BCAT1: variants seen among roughly 807,000 people sequenced by gnomAD.
BCAT1 encodes branched chain amino acid transaminase 1, also known as branched-chain-amino-acid aminotransferase, cytosolic.
In BCAT1, 48 loss-of-function variants were observed where a neutral mutation model predicts 52.4. The observed-to-expected ratio is 0.92, with a 90% CI of 0.73 to 1.16. BCAT1 has a LOEUF of 1.16. BCAT1 is among the 50% of genes most tolerant of loss of function. The pLI is 0.00. For missense variants in BCAT1, 451 were observed against 457.1 expected (o/e 0.99, Z 0.12); for synonymous variants, 167 against 161.3 (o/e 1.04, Z -0.27).
intron 2 of BCAT1, among the ~76,000 whole-genome samples, chr12:24,896,709 G>T (rs560045836): frequency 1.2e-4 from 18 of 152,278 alleles, no homozygotes; most frequent in South Asian, 6.2e-4. Context: ...AGAGGTTGCA[G>T]TCAGCAGAGA....
intron 3 of BCAT1, among the ~76,000 whole-genome samples, chr12:24,888,652 T>C (rs1942749649): frequency 6.6e-6 from 1 of 152,192 alleles, no homozygotes; most frequent in African/African-American, 2.4e-5. Context: ...TGAATATGAT[T>C]AGTGAGAAAA....
At chr12:24,903,405 C>A in intron 1 of BCAT1, 1 of 170,114 alleles carries the variant, frequency 5.9e-6, no homozygotes, top group East Asian at 1.6e-4. Context: ...TACATTAGGG[C>A]AGCTTTTCCA....
At position 24,836,419 on chromosome 12, in the gene BCAT1, A is replaced by T. The variant is rs1013529974; in HGVS notation, c.903+92T>A. ...TAAAGATTAGATAACATTGGTTGGAACCACAGGATATTATTTCAACACTAG... is the reference window on the plus strand; with the variant it reads ...TAAAGATTAGATAACATTGGTTGGATCCACAGGATATTATTTCAACACTAG... On this transcript the variant is annotated intron_variant, in intron 8 of 10. Transcript: ENST00000261192. 4 of 1,093,746 alleles carry T rather than the reference A, an allele frequency of 3.7e-6. No homozygotes were observed. The African/African-American group carries it at 6.3e-5, about 17-fold the overall frequency. 67.8% of individuals were successfully genotyped at this position (1,093,746 alleles called of 1,614,324 possible).
Position 24,843,019 on chromosome 12 carries a change from G to A in BCAT1, c.675-795C>T, listed in dbSNP as rs538859423. ...GAGTCCTCAAATAAATGTGATGACT[G>A]CTTGCCTCCCTACACCCCTGGTTGT... On this transcript the variant is annotated intron_variant, in intron 6 of 10. Coordinates refer to ENST00000261192, the MANE Select transcript of BCAT1 (RefSeq NM_005504.7). Among the ~76,000 whole-genome samples, 57 of 152,212 alleles carry A rather than the reference G, an allele frequency of 3.7e-4. 1 individual carries two copies. Among genetic ancestry groups the A allele is most frequent in the African/African-American group, 1.4e-3 (57 of 41,540 alleles).
rs16928097 is a variant in BCAT1 at position 24,835,295 on chromosome 12, T to C, written c.903+1216A>G. Among the ~76,000 whole-genome samples the C allele has an allele frequency of 9.6e-3, 1,466 of 152,332 alleles. 58 individuals are homozygous for C. The East Asian group carries it at 0.1, about 11-fold the overall frequency. ...GTAGAATTATTTATAGCACATTTCA[T>C]CTATTTTGAAAGTCTTTTCCAGAGA... On this transcript the variant is annotated intron_variant, in intron 8 of 10. Transcript: ENST00000261192.
intron 1 of BCAT1, among the ~76,000 whole-genome samples, chr12:24,916,639 C>T (rs1943413513): frequency 6.6e-6 from 1 of 152,156 alleles, no homozygotes; most frequent in South Asian, 2.1e-4. Flanking sequence ...ACCCAAGGTT[C>T]AAGCTATTCT....
intron 2 of BCAT1, among the ~76,000 whole-genome samples, chr12:24,894,698 A>C (rs1373458130): frequency 6.6e-6 from 1 of 152,226 alleles, no homozygotes; most frequent in African/African-American, 2.4e-5. Flanking sequence ...TATCAGAACC[A>C]AATTTCAGTG....
chr12:24,823,091 T>A (rs1341433465), intron 10 of BCAT1, among the ~76,000 whole-genome samples: 1 of 151,850 alleles, frequency 6.6e-6, no homozygotes, highest in East Asian at 1.9e-4. Flanking sequence ...GGTCTCACTC[T>A]GTTGCCCAGG....
At chr12:24,830,276 A>C (rs1940601424) in intron 9 of BCAT1, 1 of 162,890 alleles carries the variant, frequency 6.1e-6, no homozygotes, top group South Asian at 2.0e-4. Context: ...ATTGTCTTCT[A>C]CATATTAACC....
intron 1 of BCAT1, among the ~76,000 whole-genome samples, chr12:24,943,773 A>T (rs1388610194): frequency 6.6e-6 from 1 of 152,104 alleles, no homozygotes; most frequent in Non-Finnish European, 1.5e-5. Context: ...TCACGAGGTC[A>T]GGAGATCAAG....
chr12:24,926,459 T>C (rs2139733176), intron 1 of BCAT1, among the ~76,000 whole-genome samples: 1 of 152,340 alleles, frequency 6.6e-6, no homozygotes, highest in East Asian at 1.9e-4. Flanking sequence ...CTGGGAGGTG[T>C]ACCCAACAGC....
chr12:24,902,047 A>G, intron 1 of BCAT1, 162 bp from the exon 2 acceptor site: 1 of 1,544,342 alleles, frequency 6.5e-7, no homozygotes, highest in Non-Finnish European at 8.7e-7. Context: ...CCGAACCTCC[A>G]ACAAGCGTGT....
intron 5 of BCAT1, among the ~76,000 whole-genome samples, chr12:24,853,472 T>C (rs964724800): frequency 6.6e-6 from 1 of 152,192 alleles, no homozygotes; most frequent in Admixed American, 6.5e-5. Flanking sequence ...GAAAAGTGTT[T>C]AGAAATACTA....
intron 1 of BCAT1, among the ~76,000 whole-genome samples, chr12:24,932,324 G>T (rs1428426330): frequency 1.3e-5 from 2 of 152,112 alleles, no homozygotes; most frequent in Non-Finnish European, 2.9e-5. Flanking sequence ...TCCCCTCTCA[G>T]ATTATGCTCT....
At chr12:24,946,797 G>T (rs1943938670) in intron 1 of BCAT1, among the ~76,000 whole-genome samples, 1 of 152,156 alleles carries the variant, frequency 6.6e-6, no homozygotes, top group Non-Finnish European at 1.5e-5. Context: ...AAACTCAATT[G>T]TGATCGAATG....
chr12:24,933,816 G>A (rs1301526362), intron 1 of BCAT1, among the ~76,000 whole-genome samples: 3 of 152,020 alleles, frequency 2.0e-5, no homozygotes, highest in Non-Finnish European at 1.5e-5. Flanking sequence ...GGCGGGTGGC[G>A]AATGCACCAG....
chr12:24,903,207 T>A (rs1219974918), intron 1 of BCAT1: 1 of 1,048,230 alleles, frequency 9.5e-7, no homozygotes, highest in Non-Finnish European at 1.2e-6. Flanking sequence ...CCAGTCTGTC[T>A]GCAGTCGCTA....
intron 3 of BCAT1, among the ~76,000 whole-genome samples, chr12:24,887,059 G>T (rs1942684388): frequency 9.8e-4 from 2 of 2,032 alleles, no homozygotes; most frequent in East Asian, 0.25. Context: ...AGAGATGCTA[G>T]CTAAAAAAAA....
intron 1 of BCAT1, among the ~76,000 whole-genome samples, chr12:24,942,556 A>AG (rs1460545863): frequency 6.8e-6 from 1 of 147,582 alleles, no homozygotes; most frequent in African/African-American, 2.5e-5. Context: ...AAAAAAAAAA[A>AG]AAAGATGGCT....
Sources: gnomAD v4.1 joint callset for allele counts (sites outside exome capture counted in the v4.1 genomes callset) on GRCh38, gnomAD v4.1.1 for gene constraint, MANE v1.5 for transcripts, NCBI Gene and HGNC (gene_info 2026-07-23, HGNC 2026-07-21) for gene names.